The following MPZL1 variants were observed in gnomAD, a reference collection of about 807,000 sequenced individuals.
The protein encoded by MPZL1 is myelin protein zero like 1.
A neutral mutation model predicts 29.3 loss-of-function variants in MPZL1; 16 were observed. That is an observed-to-expected ratio of 0.55 (90% confidence interval 0.37 to 0.83). The LOEUF (loss-of-function observed/expected upper bound fraction) is 0.83, where lower values mean the gene tolerates loss of function less well. MPZL1 is among the 40% of genes least tolerant of loss of function. The probability of loss-of-function intolerance (pLI) is 0.00; values close to 1 mark genes in which losing one functional copy is unlikely to be tolerated. For missense variants in MPZL1, 279 were observed against 332.9 expected (o/e 0.84, Z 1.26); for synonymous variants, 143 against 132.0 (o/e 1.08, Z -0.57).
intron 1 of MPZL1, among the ~76,000 whole-genome samples, chr1:167,738,831 C>T (rs1228620042): frequency 6.6e-6 from 1 of 152,174 alleles, no homozygotes; most frequent in Non-Finnish European, 1.5e-5. Context: ...CAGCATCATG[C>T]TTCCTGTGTA....
chr1:167,727,064 A>G (rs957268651), intron 1 of MPZL1, among the ~76,000 whole-genome samples: 5 of 152,208 alleles, frequency 3.3e-5, no homozygotes, highest in African/African-American at 9.6e-5. Flanking sequence ...AAAATGGAAC[A>G]TCTTATTTGT....
chr1:167,777,075 T>C (rs998645532), intron 5 of MPZL1, among the ~76,000 whole-genome samples: 1 of 152,212 alleles, frequency 6.6e-6, no homozygotes, highest in Admixed American at 6.5e-5. Context: ...GCATGTTCTC[T>C]ACCACAGCAT....
intron 1 of MPZL1, among the ~76,000 whole-genome samples, chr1:167,752,823 A>G (rs1285239127): frequency 6.6e-6 from 1 of 152,236 alleles, no homozygotes; most frequent in Non-Finnish European, 1.5e-5. Flanking sequence ...AATAGTGCTT[A>G]TATGTTTCAT....
rs1661629852 is a variant in MPZL1 at position 167,788,240 on chromosome 1, A to G, written c.*319A>G. On this transcript the variant is annotated 3_prime_UTR_variant, in exon 6 of 6. Transcript: ENST00000359523. ...AGAAACATTCCTTTCACCATCATTT[A>G]GAAATGGTTTGCCTTAATGGAGACA... 7.4e-6 allele frequency: 2 copies of G among 268,530 alleles called. No homozygotes were observed. Among genetic ancestry groups the G allele is most frequent in the Admixed American group, 9.6e-5 (2 of 20,940 alleles). 16.6% of individuals were successfully genotyped at this position (268,530 alleles called of 1,614,324 possible). A position where few individuals can be genotyped will look rare whatever the true frequency, so the allele number is the denominator to read the frequency against.
rs1468010788 is a variant in MPZL1 at position 167,765,591 on chromosome 1, G to A, written c.100G>A (p.Gly34Arg). Residue 34 changes from glycine (G) to arginine (R), a missense_variant, in exon 2 of 6, where the codon GGA (glycine) becomes AGA (arginine). By Grantham distance (125) the Gly-to-Arg change is moderately radical (BLOSUM62 -2). Transcript: ENST00000359523. ...TATTCCTTTCTCTTCAGTGACAGCT[G>A]GAGTATCAGCCTTGGAAGTATATAC... ...LAAALGLLTA[G>R]VSALEVYTPK... 1.2e-6 allele frequency: 2 copies of A among 1,606,032 alleles called. No individual in the cohort carries two copies. The highest frequency in any genetic ancestry group is 1.7e-6 in the Non-Finnish European group (2 of 1,176,308).
intron 5 of MPZL1, among the ~76,000 whole-genome samples, chr1:167,776,656 G>C (rs1334414348): frequency 6.6e-6 from 1 of 152,204 alleles, no homozygotes; most frequent in Admixed American, 6.5e-5. Flanking sequence ...TAATAGGCTT[G>C]ATGAACAAGG....
At chr1:167,757,471 T>C (rs1354750403) in intron 1 of MPZL1, among the ~76,000 whole-genome samples, 2 of 152,218 alleles carry the variant, frequency 1.3e-5, no homozygotes, top group Admixed American at 6.5e-5. Flanking sequence ...ACACTATCAG[T>C]ATTAAAATGG....
chr1:167,764,457 T>C (rs911181047), intron 1 of MPZL1, among the ~76,000 whole-genome samples: 5 of 152,232 alleles, frequency 3.3e-5, no homozygotes, highest in Admixed American at 6.5e-5. Flanking sequence ...AGCTGTTTAC[T>C]TACCTAGCAC....
At chr1:167,756,357 G>A (rs1419426387) in intron 1 of MPZL1, among the ~76,000 whole-genome samples, 1 of 151,754 alleles carries the variant, frequency 6.6e-6, no homozygotes, top group Admixed American at 6.6e-5. Flanking sequence ...AAACTCCAGG[G>A]CTCAAGCCAT....
intron 1 of MPZL1, among the ~76,000 whole-genome samples, chr1:167,725,890 A>G (rs1660135806): frequency 6.6e-6 from 1 of 152,264 alleles, no homozygotes. Context: ...TGCTGGGATT[A>G]CAGGCATGAG....
At chr1:167,737,191 T>C (rs1467489752) in intron 1 of MPZL1, among the ~76,000 whole-genome samples, 4 of 152,228 alleles carry the variant, frequency 2.6e-5, no homozygotes, top group African/African-American at 9.6e-5. Flanking sequence ...TCTCCAATGC[T>C]TAACATAATG....
intron 1 of MPZL1, among the ~76,000 whole-genome samples, chr1:167,734,571 A>T (rs1222440088): frequency 2.0e-5 from 3 of 152,214 alleles, no homozygotes; most frequent in Admixed American, 6.5e-5. Flanking sequence ...ATTTCTGTTT[A>T]TATAAATTAG....
chr1:167,731,194 G>T (rs919385893), intron 1 of MPZL1, among the ~76,000 whole-genome samples: 1 of 152,102 alleles, frequency 6.6e-6, no homozygotes, highest in Non-Finnish European at 1.5e-5. Flanking sequence ...CAGCACTTTG[G>T]GAGGCTGAGG....
intron 1 of MPZL1, among the ~76,000 whole-genome samples, chr1:167,761,546 G>A (rs2097572): frequency 0.93 from 140,870 of 152,228 alleles, 65,281 homozygotes; most frequent in African/African-American, 0.98. Context: ...CTGTTTTCTC[G>A]GTGAAATAAG....
At chr1:167,769,070 A>G (rs1394557714) in intron 2 of MPZL1, among the ~76,000 whole-genome samples, 1 of 152,132 alleles carries the variant, frequency 6.6e-6, no homozygotes, top group African/African-American at 2.4e-5. Flanking sequence ...CATCTCTAAA[A>G]CCTGTGACTT....
intron 2 of MPZL1, among the ~76,000 whole-genome samples, chr1:167,766,969 AC>A (rs1661127935): frequency 6.7e-6 from 1 of 150,086 alleles, no homozygotes; most frequent in African/African-American, 2.4e-5. Flanking sequence ...GAGCCTTTTC[AC>A]ATTTTTCTTA....
chr1:167,785,915 C>T (rs1661583242), intron 5 of MPZL1, among the ~76,000 whole-genome samples: 1 of 152,160 alleles, frequency 6.6e-6, no homozygotes, highest in Non-Finnish European at 1.5e-5. Flanking sequence ...GCCTCAGCCT[C>T]CTGAGTAGCT....
chr1:167,783,148 C>G (rs1226887030), intron 5 of MPZL1, among the ~76,000 whole-genome samples: 1 of 152,082 alleles, frequency 6.6e-6, no homozygotes, highest in Non-Finnish European at 1.5e-5. Flanking sequence ...GGCTTAGAAG[C>G]TGATGCCATT....
intron 5 of MPZL1, among the ~76,000 whole-genome samples, chr1:167,781,693 A>G (rs1381822387): frequency 6.6e-6 from 1 of 152,166 alleles, no homozygotes; most frequent in Non-Finnish European, 1.5e-5. Context: ...TAAACCCAAC[A>G]TAAACAGATA....
Sources: allele counts gnomAD v4.1 joint callset (sites outside exome capture counted in the v4.1 genomes callset), GRCh38; gene constraint gnomAD v4.1.1; transcripts MANE v1.5; gene names NCBI Gene and HGNC (gene_info 2026-07-23, HGNC 2026-07-21).